The following FILIP1 variants were observed in gnomAD, a reference collection of about 807,000 sequenced individuals.
FILIP1 encodes filamin-A-interacting protein 1.
A neutral mutation model predicts 102.1 loss-of-function variants in FILIP1; 61 were observed. The observed-to-expected ratio is 0.60, with a 90% CI of 0.49 to 0.74. The LOEUF is 0.74. Ranked by LOEUF, FILIP1 falls within the 30% of genes least tolerant of loss-of-function variation. FILIP1 has a pLI of 0.00. For synonymous variants in FILIP1, 491 were observed against 526.9 expected (o/e 0.93, Z 0.93); for missense variants, 1,314 against 1,441.2 (o/e 0.91, Z 1.43).
chr6:75,389,901 T>C (rs1249444326), intron 2 of FILIP1, among the ~76,000 whole-genome samples: 7 of 152,124 alleles, frequency 4.6e-5, no homozygotes, highest in Non-Finnish European at 1.5e-5. Context: ...TAAACTCCCA[T>C]CAGTTCACAA....
intron 1 of FILIP1, chr6:75,455,401 T>G (rs1778793641): frequency 6.6e-6 from 1 of 151,528 alleles, no homozygotes; most frequent in African/African-American, 2.4e-5. Flanking sequence ...TGGTATGAAA[T>G]GTATCCAAAG....
chr6:75,425,873 T>G (rs1460305455), intron 1 of FILIP1, among the ~76,000 whole-genome samples: 2 of 152,200 alleles, frequency 1.3e-5, no homozygotes, highest in Non-Finnish European at 2.9e-5. Context: ...ATTGGAGTCA[T>G]CAAATACCTC....
chr6:75,294,276 G>A (rs1772612267), exon 7 of FILIP1: 1 of 152,082 alleles, frequency 6.6e-6, no homozygotes, highest in Non-Finnish European at 1.5e-5. Flanking sequence ...CTCCTTGTGT[G>A]GCTTTTAGTT....
At chr6:75,430,508 T>A in intron 1 of FILIP1, among the ~76,000 whole-genome samples, 1 of 152,192 alleles carries the variant, frequency 6.6e-6, no homozygotes. Flanking sequence ...TTATAACAAA[T>A]ATTATATGTA....
At chr6:75,422,079 T>C in intron 1 of FILIP1, among the ~76,000 whole-genome samples, 1 of 152,184 alleles carries the variant, frequency 6.6e-6, no homozygotes, top group East Asian at 1.9e-4. Context: ...GAAAAGCATT[T>C]AACTATCTAG....
At chr6:75,342,574 T>C (rs1774449713) in intron 4 of FILIP1, among the ~76,000 whole-genome samples, 1 of 152,242 alleles carries the variant, frequency 6.6e-6, no homozygotes. Flanking sequence ...AGTCAGGATC[T>C]CCTGAGTTCA....
intron 1 of FILIP1, among the ~76,000 whole-genome samples, chr6:75,416,811 T>C (rs1206114858): frequency 6.6e-6 from 1 of 152,126 alleles, no homozygotes; most frequent in East Asian, 1.9e-4. Context: ...ATTTAAATCA[T>C]TAAATCATGA....
At chr6:75,475,506 A>C (rs1779449689) in intron 1 of FILIP1, among the ~76,000 whole-genome samples, 1 of 152,218 alleles carries the variant, frequency 6.6e-6, no homozygotes, top group South Asian at 2.1e-4. Flanking sequence ...TGATGTTGTT[A>C]TTAAAACAAT....
At chr6:75,322,023 T>G (rs1449298197) in intron 4 of FILIP1, among the ~76,000 whole-genome samples, 2 of 152,178 alleles carry the variant, frequency 1.3e-5, no homozygotes, top group Non-Finnish European at 2.9e-5. Flanking sequence ...AAGAGGGTTT[T>G]GGGAAGGCAG....
intron 2 of FILIP1, among the ~76,000 whole-genome samples, chr6:75,397,784 T>C (rs1452093482): frequency 1.3e-5 from 2 of 152,104 alleles, no homozygotes; most frequent in Non-Finnish European, 1.5e-5. Flanking sequence ...ACATGCAAAA[T>C]CTTGGTTTAT....
intron 1 of FILIP1, among the ~76,000 whole-genome samples, chr6:75,427,750 C>G (rs930691535): frequency 2.0e-5 from 3 of 152,156 alleles, no homozygotes; most frequent in African/African-American, 7.2e-5. Flanking sequence ...TTTGAAGAGG[C>G]CTCTCTATCC....
intron 2 of FILIP1, among the ~76,000 whole-genome samples, chr6:75,401,138 C>A (rs1776643979): frequency 6.6e-6 from 1 of 152,156 alleles, no homozygotes; most frequent in South Asian, 2.1e-4. Flanking sequence ...CTTGTGGACA[C>A]CAGTAGTCTG....
Position 75,313,529 on chromosome 6 carries a change from T to C in FILIP1, c.2303A>G (p.Glu768Gly), listed in dbSNP as rs1254666045. The change falls in exon 5 of 6, where the codon GAG becomes GGG. Residue 768 changes from glutamate (E) to glycine (G), a missense_variant. Glu to Gly is a moderately conservative substitution (Grantham distance 98). Coordinates refer to ENST00000237172, the MANE Select transcript of FILIP1 (RefSeq NM_015687.5). The surrounding 1 kb of genome is among the most constrained non-coding windows in gnomAD (Gnocchi z 4.2). ...EENKNKNMGQEVLNLTKELEL... is the reference protein window; with the variant it reads ...EENKNKNMGQGVLNLTKELEL... Reference sequence around the variant, plus strand: ...CAACTCTTTGGTCAGATTGAGAACCTCCTGCCCCATGTTTTTGTTCTTATT... The same window carrying C: ...CAACTCTTTGGTCAGATTGAGAACCCCCTGCCCCATGTTTTTGTTCTTATT... The C allele has an allele frequency of 2.5e-6, 4 of 1,614,230 alleles. No homozygotes were observed. In the Admixed American group the frequency reaches 6.7e-5, roughly 27 times the overall value.
intron 1 of FILIP1, among the ~76,000 whole-genome samples, chr6:75,471,253 G>A (rs943615164): frequency 1.7e-4 from 26 of 151,282 alleles, no homozygotes; most frequent in African/African-American, 6.1e-4. Flanking sequence ...CTAGGAGAAG[G>A]TATTTCAACA....
At chr6:75,336,517 AG>A (rs1562474346) in intron 4 of FILIP1, among the ~76,000 whole-genome samples, 1 of 152,000 alleles carries the variant, frequency 6.6e-6, no homozygotes, top group Admixed American at 6.6e-5. Context: ...GAAAAAAAAA[AG>A]GGAATCAAGG....
rs781184540 is a variant in FILIP1, at chr6:75,308,789, T to C, written c.3544A>G (p.Thr1182Ala). The C allele has an allele frequency of 1.9e-6, 3 of 1,613,916 alleles. No homozygotes were observed. In the African/African-American group the frequency reaches 4.0e-5, roughly 22 times the overall value. The change falls in exon 6 of 6, where the codon ACC becomes GCC. Residue 1182 changes from threonine (T) to alanine (A), a missense_variant. Around this residue, in one of 3 missense-constraint regions of FILIP1, gnomAD observed 816 missense variants for 913.1 expected, o/e 0.89. Transcript: ENST00000237172. ...VVAAPGAGNL[T>A]KFEPRAETQS... ...GTCTCAGCTCGAGGCTCGAATTTGG[T>C]CAGATTTCCTGCTCCTGGGGCTGCC...
At chr6:75,357,647 G>A (rs968092197) in intron 3 of FILIP1, among the ~76,000 whole-genome samples, 1 of 152,242 alleles carries the variant, frequency 6.6e-6, no homozygotes, top group African/African-American at 2.4e-5. Context: ...GAATGTAGAG[G>A]CTGTAAATTC....
At chr6:75,420,131 T>A (rs1777405398) in intron 1 of FILIP1, among the ~76,000 whole-genome samples, 1 of 152,144 alleles carries the variant, frequency 6.6e-6, no homozygotes, top group East Asian at 1.9e-4. Flanking sequence ...TTGGAGTCAC[T>A]GCAGTGATGT....
At chr6:75,376,149 C>A (rs1443371075) in intron 2 of FILIP1, among the ~76,000 whole-genome samples, 1 of 152,174 alleles carries the variant, frequency 6.6e-6, no homozygotes, top group Non-Finnish European at 1.5e-5. Context: ...TGTGTCCTTA[C>A]TGAATCCATT....
Sources: allele counts gnomAD v4.1 joint callset (sites outside exome capture counted in the v4.1 genomes callset), GRCh38; gene constraint gnomAD v4.1.1; regional missense constraint gnomAD v4.1.1; non-coding constraint Gnocchi (gnomAD v3.1); transcripts MANE v1.5; gene names NCBI Gene and HGNC (gene_info 2026-07-23, HGNC 2026-07-21).